NR3C2: variants seen among roughly 807,000 people sequenced by gnomAD.
The protein encoded by NR3C2 is mineralocorticoid receptor.
In NR3C2, 15 loss-of-function variants were observed where a neutral mutation model predicts 86.4. The observed-to-expected ratio is 0.17, with a 90% CI of 0.12 to 0.27. The LOEUF (loss-of-function observed/expected upper bound fraction) is 0.27. NR3C2 is among the 10% of genes least tolerant of loss of function. The pLI is 1.00. For missense variants in NR3C2, 960 were observed against 1,195.6 expected, an observed-to-expected ratio of 0.80 and a Z score of 2.91; for synonymous variants, 458 against 450.5, an observed-to-expected ratio of 1.02 and a Z score of -0.21.
intron 4 of NR3C2, among the ~76,000 whole-genome samples, chr4:148,167,708 G>C (rs1734941748): frequency 6.6e-6 from 1 of 152,196 alleles, no homozygotes; most frequent in Non-Finnish European, 1.5e-5. Flanking sequence ...TAAATGCTTT[G>C]CTGACCCTCT....
chr4:148,402,078 T>C (rs1235612813), intron 2 of NR3C2, among the ~76,000 whole-genome samples: 7 of 152,172 alleles, frequency 4.6e-5, no homozygotes, highest in East Asian at 1.9e-4. Flanking sequence ...AGTACCCAGA[T>C]TGTAGGTTCC....
At chr4:148,404,905 A>C (rs767138907) in intron 2 of NR3C2, among the ~76,000 whole-genome samples, 2 of 152,230 alleles carry the variant, frequency 1.3e-5, no homozygotes, top group African/African-American at 4.8e-5. Flanking sequence ...GCATAAATTT[A>C]GGAGAATCTT....
At chr4:148,389,555 T>C (rs1747434084) in intron 2 of NR3C2, among the ~76,000 whole-genome samples, 1 of 152,200 alleles carries the variant, frequency 6.6e-6, no homozygotes, top group Non-Finnish European at 1.5e-5. Flanking sequence ...TCTCCTAGTA[T>C]TACTTTTATG....
rs1282395229 is a variant in NR3C2, at chr4:148,081,561, C to T, written c.2800-62G>A. On this transcript the variant is annotated intron_variant, in intron 8 of 8. Coordinates refer to ENST00000358102, the MANE Select transcript of NR3C2 (RefSeq NM_000901.5). ...TCCTTTCCGACCCTGGATCCCTCTG[C>T]CTTCTGACTTTGGTGGGAACTCAAA... The T allele has an allele frequency of 1.9e-6, 3 of 1,609,428 alleles. No individual in the cohort carries two copies. In the East Asian group the frequency reaches 6.7e-5, roughly 36 times the overall value.
intron 2 of NR3C2, among the ~76,000 whole-genome samples, chr4:148,312,850 T>C (rs1174843191): frequency 6.6e-6 from 1 of 152,168 alleles, no homozygotes; most frequent in Non-Finnish European, 1.5e-5. Flanking sequence ...CTTTTTTTTA[T>C]GGGAAAAGCA....
At chr4:148,264,496 A>G (rs900508375) in intron 2 of NR3C2, among the ~76,000 whole-genome samples, 19 of 152,214 alleles carry the variant, frequency 1.2e-4, no homozygotes, top group Admixed American at 9.8e-4. Context: ...ACATCTACAC[A>G]TAGCATGTAA....
intron 2 of NR3C2, among the ~76,000 whole-genome samples, chr4:148,299,509 C>G (rs887310660): frequency 7.2e-5 from 11 of 152,186 alleles, no homozygotes; most frequent in African/African-American, 2.4e-4. Context: ...CAAGCAGCGG[C>G]TCCCGGACCC....
chr4:148,096,354 C>T (rs928662260), intron 8 of NR3C2, among the ~76,000 whole-genome samples: 1 of 152,182 alleles, frequency 6.6e-6, no homozygotes, highest in African/African-American at 2.4e-5. Flanking sequence ...CAAATGTACA[C>T]TATGCTGAGC....
At chr4:148,085,415 G>T (rs1730766162) in intron 8 of NR3C2, among the ~76,000 whole-genome samples, 1 of 152,128 alleles carries the variant, frequency 6.6e-6, no homozygotes. Flanking sequence ...TGAAATTAAG[G>T]TAGAAATAAA....
intron 8 of NR3C2, among the ~76,000 whole-genome samples, chr4:148,106,024 C>T (rs764639075): frequency 1.3e-5 from 2 of 152,068 alleles, no homozygotes; most frequent in African/African-American, 2.4e-5. Flanking sequence ...GAAGTTCTGG[C>T]AAGAGAAAGA....
intron 3 of NR3C2, among the ~76,000 whole-genome samples, chr4:148,225,508 TAGG>T (rs1738105539): frequency 6.6e-6 from 1 of 152,138 alleles, no homozygotes; most frequent in Non-Finnish European, 1.5e-5. Flanking sequence ...ATGAATTCTG[TAGG>T]AGTTTAATTT....
chr4:148,167,082 A>T (rs142790652), intron 4 of NR3C2, among the ~76,000 whole-genome samples: 1 of 151,588 alleles, frequency 6.6e-6, no homozygotes, highest in Non-Finnish European at 1.5e-5. Context: ...CATTTAAAAC[A>T]AAGTCTGCTG....
At chr4:148,437,268 C>T (rs1356201771) in intron 1 of NR3C2, among the ~76,000 whole-genome samples, 2 of 152,100 alleles carry the variant, frequency 1.3e-5, no homozygotes, top group Non-Finnish European at 2.9e-5. Flanking sequence ...GACATGGTGA[C>T]AAAGTTGGGT....
chr4:148,390,808 T>C (rs1747507420), intron 2 of NR3C2, among the ~76,000 whole-genome samples: 1 of 152,216 alleles, frequency 6.6e-6, no homozygotes, highest in East Asian at 1.9e-4. Flanking sequence ...AAATACATGC[T>C]TACCTATAAA....
In NR3C2 at chr4:148,259,968, G is replaced by T; in HGVS notation, c.1897+10C>A. On this transcript the variant is annotated intron_variant, in intron 3 of 8. Transcript: ENST00000358102. ...AAATATGTAAAAGGAACACCCACAT[G>T]AACATTTACCTTCCACTGCTCTTTT... 1 of 1,614,016 alleles carries T rather than the reference G, an allele frequency of 6.2e-7. No individual in the cohort carries two copies. Among genetic ancestry groups the T allele is most frequent in the South Asian group, 1.1e-5 (1 of 91,052 alleles).
intron 2 of NR3C2, among the ~76,000 whole-genome samples, chr4:148,398,709 A>G (rs1747983726): frequency 6.6e-6 from 1 of 152,246 alleles, no homozygotes; most frequent in Admixed American, 6.5e-5. Flanking sequence ...TGTAAGACAT[A>G]TAAATCTGTA....
intron 3 of NR3C2, among the ~76,000 whole-genome samples, chr4:148,255,791 C>T (rs1047230287): frequency 6.6e-6 from 1 of 152,126 alleles, no homozygotes; most frequent in Non-Finnish European, 1.5e-5. Context: ...GAACTAATGG[C>T]AATTTACAGT....
At chr4:148,226,027 G>A (rs1258853304) in intron 3 of NR3C2, among the ~76,000 whole-genome samples, 1 of 152,034 alleles carries the variant, frequency 6.6e-6, no homozygotes, top group Admixed American at 6.6e-5. Flanking sequence ...GCTTTCCTAA[G>A]ATATGTGTAA....
At chr4:148,347,973 G>A (rs1248861174) in intron 2 of NR3C2, among the ~76,000 whole-genome samples, 1 of 152,028 alleles carries the variant, frequency 6.6e-6, no homozygotes, top group Non-Finnish European at 1.5e-5. Context: ...AAAAATCAAG[G>A]CAAAGAAAGA....
Sources: allele counts gnomAD v4.1 joint callset (sites outside exome capture counted in the v4.1 genomes callset), GRCh38; gene constraint gnomAD v4.1.1; transcripts MANE v1.5; gene names NCBI Gene and HGNC (gene_info 2026-07-23, HGNC 2026-07-21).